The following CCDC88A variants were observed in gnomAD, a reference collection of about 807,000 sequenced individuals.
CCDC88A encodes the protein coiled-coil and HOOK domain protein 88A.
Under a neutral mutation model 234.3 loss-of-function variants are expected in CCDC88A, and 54 were observed. That is an observed-to-expected ratio of 0.23 (90% CI 0.19 to 0.29). The LOEUF (loss-of-function observed/expected upper bound fraction) is 0.29. Among genes scored for constraint, CCDC88A ranks in the 10% least tolerant of loss-of-function variants. The probability of loss-of-function intolerance (pLI) is 1.00; values close to 1 mark genes in which losing one functional copy is unlikely to be tolerated. For missense variants in CCDC88A, 1,832 were observed against 2,123.4 expected (o/e 0.86, Z 2.70); for synonymous variants, 753 against 737.8 (o/e 1.02, Z -0.33).
chr2:55,404,820 C>G (rs559389439), intron 2 of CCDC88A: 1 of 152,424 alleles, frequency 6.6e-6, no homozygotes, highest in East Asian at 1.9e-4. Flanking sequence ...ACCTCTGCCT[C>G]CCGGGCTCAA....
At chr2:55,301,338 T>G (rs1249683753) in intron 27 of CCDC88A, 61 bp from the exon 28 acceptor site, 1 of 854,012 alleles carries the variant, frequency 1.2e-6, no homozygotes, top group Non-Finnish European at 1.8e-6. Flanking sequence ...ATTATAAAAT[T>G]TTATTTACAT....
intron 7 of CCDC88A, among the ~76,000 whole-genome samples, chr2:55,360,988 C>T (rs547728679): frequency 6.6e-6 from 1 of 152,268 alleles, no homozygotes; most frequent in Non-Finnish European, 1.5e-5. Context: ...ACTTGGGAGG[C>T]TGAGGCAGAA....
intron 18 of CCDC88A, among the ~76,000 whole-genome samples, chr2:55,321,841 G>T (rs1683671081): frequency 6.6e-6 from 1 of 151,482 alleles, no homozygotes; most frequent in Non-Finnish European, 1.5e-5. Flanking sequence ...TTTTGAATGA[G>T]AAAGTAGAAA....
intron 8 of CCDC88A, among the ~76,000 whole-genome samples, chr2:55,355,064 CGTT>C (rs1670383932): frequency 6.6e-6 from 1 of 150,730 alleles, no homozygotes; most frequent in African/African-American, 2.4e-5. Flanking sequence ...ACTGAAATGT[CGTT>C]ATGTGGCACA....
Position 55,367,733 on chromosome 2 carries a change from T to C in CCDC88A, c.403-3700A>G, listed in dbSNP as rs886532915. ...AACCTTTAAGATGCTTTACAGATCA[T>C]TGATAAGTAAACAATAGATTGTAGC... On this transcript the variant is annotated intron_variant, in intron 5 of 32. Transcript: ENST00000436346. Among the ~76,000 whole-genome samples, 4 of 151,962 alleles carry C rather than the reference T, an allele frequency of 2.6e-5. No homozygotes were observed. The East Asian group carries it at 7.7e-4, about 29-fold the overall frequency.
intron 14 of CCDC88A, 86 bp downstream of exon 14, chr2:55,336,595 A>G: frequency 1.2e-6 from 1 of 815,352 alleles, no homozygotes. Context: ...TAATGTTTAT[A>G]TGAACATTTT....
At chr2:55,305,158 T>C (rs1313060739) in intron 25 of CCDC88A, among the ~76,000 whole-genome samples, 1 of 152,222 alleles carries the variant, frequency 6.6e-6, no homozygotes, top group African/African-American at 2.4e-5. Context: ...CATGCACATG[T>C]TGTCTTGTTT....
At chr2:55,372,982 A>G (rs1673062274) in intron 4 of CCDC88A, among the ~76,000 whole-genome samples, 1 of 152,236 alleles carries the variant, frequency 6.6e-6, no homozygotes, top group Non-Finnish European at 1.5e-5. Context: ...TCCACTGTGC[A>G]AGTTCATGAA....
chr2:55,410,496 T>C (rs1680290085), intron 2 of CCDC88A, among the ~76,000 whole-genome samples: 1 of 152,224 alleles, frequency 6.6e-6, no homozygotes, highest in South Asian at 2.1e-4. Context: ...CCTATTGTGG[T>C]AAATGGATGC....
intron 3 of CCDC88A, among the ~76,000 whole-genome samples, chr2:55,387,813 GA>G (rs1013635895): frequency 6.5e-5 from 9 of 137,866 alleles, no homozygotes; most frequent in Admixed American, 4.3e-4. Context: ...AAAGAAAAAA[GA>G]AAAAAAAATT....
At chr2:55,344,680 C>T (rs533290032) in intron 10 of CCDC88A, among the ~76,000 whole-genome samples, 166 bp from the exon 11 acceptor site, 6 of 151,984 alleles carry the variant, frequency 3.9e-5, no homozygotes, top group Non-Finnish European at 5.9e-5. Flanking sequence ...TCCTTTTTAC[C>T]CCAGAATGCA....
At chr2:55,295,555 T>G in intron 31 of CCDC88A, 42 bp downstream of exon 31, 1 of 1,614,118 alleles carries the variant, frequency 6.2e-7, no homozygotes, top group South Asian at 1.1e-5. Flanking sequence ...TGTGTTGGGA[T>G]GTCAAGTATA....
chr2:55,385,664 C>T (rs753940319), intron 3 of CCDC88A, among the ~76,000 whole-genome samples: 26 of 151,154 alleles, frequency 1.7e-4, no homozygotes, highest in Non-Finnish European at 3.4e-4. Context: ...ACAAGCCTGG[C>T]CAACATGGTG....
rs184103416 is a variant in CCDC88A at position 55,395,037 on chromosome 2, G to A, written c.165-6151C>T. ...ATTTTTGTATTTTTAGGAGAGATGG[G>A]TTTTCACCATGTTGGCCAGGCTGGT... is the stretch of plus-strand genomic sequence containing the variant. On this transcript the variant is annotated intron_variant, in intron 2 of 32. Transcript: ENST00000436346. Among the ~76,000 whole-genome samples, 23 of 152,108 alleles carry A rather than the reference G, an allele frequency of 1.5e-4. No homozygotes were observed. In the East Asian group the frequency reaches 4.3e-3, roughly 28 times the overall value.
chr2:55,345,162 T>C (rs1295101974), intron 10 of CCDC88A, among the ~76,000 whole-genome samples: 1 of 152,202 alleles, frequency 6.6e-6, no homozygotes, highest in Non-Finnish European at 1.5e-5. Context: ...AACAGTGTCA[T>C]GCATACACAA....
chr2:55,397,133 C>G (rs1677742388), intron 2 of CCDC88A: 1 of 152,004 alleles, frequency 6.6e-6, no homozygotes, highest in African/African-American at 2.4e-5. Context: ...CTCTGTCACC[C>G]AGGCTGGAGC....
chr2:55,394,545 C>T (rs1365476929), intron 2 of CCDC88A: 7 of 151,262 alleles, frequency 4.6e-5, no homozygotes, highest in African/African-American at 1.7e-4. Flanking sequence ...TACAGTCCCA[C>T]CAACAGTGTA....
Position 55,334,484 on chromosome 2 carries a change from G to T in CCDC88A, c.2337C>A (p.Ile779=). The T allele has an allele frequency of 6.2e-7, 1 of 1,605,158 alleles. No individual in the cohort carries two copies. Reference sequence around the variant, plus strand: ...CTTGTAGTTCACTCTCTAATTGCTGGATTTTTTTATTGCTGTTCTCTAAAG... The same window carrying T: ...CTTGTAGTTCACTCTCTAATTGCTGTATTTTTTTATTGCTGTTCTCTAAAG... ...QKTLENSNKK[I]QQLESELQDL... Residue 779 remains isoleucine, a synonymous_variant, in exon 15 of 33, where the codon ATC becomes ATA. Transcript: ENST00000436346. This position sits in a 1 kb window ranked among gnomAD's most constrained non-coding sequence, Gnocchi z 6.1.
At chr2:55,401,447 A>AAATATAT (rs1334606165) in intron 2 of CCDC88A, among the ~76,000 whole-genome samples, 7 of 27,152 alleles carry the variant, frequency 2.6e-4, no homozygotes, top group African/African-American at 6.3e-4. Context: ...AAAAAAAAAA[A>AAATATAT]ATATATATAT....
Sources: gnomAD v4.1 joint callset for allele counts (sites outside exome capture counted in the v4.1 genomes callset) on GRCh38, gnomAD v4.1.1 for gene constraint, Gnocchi (gnomAD v3.1) non-coding constraint, MANE v1.5 for transcripts, NCBI Gene and HGNC (gene_info 2026-07-23, HGNC 2026-07-21) for gene names.